ZNF672: variants seen among roughly 807,000 people sequenced by gnomAD.
ZNF672 encodes hypothetical protein FLJ22301.
For synonymous variants in ZNF672, 358 were observed against 305.6 expected (o/e 1.17, Z -1.79); for missense variants, 733 against 701.1 (o/e 1.05, Z -0.51).
chr1:248,847,952 C>T lies in ZNF672; in HGVS notation c.678C>T (p.Pro226=), dbSNP rs755434644. The change falls in exon 4 of 4, where the codon CCC becomes CCT. Residue 226 remains proline, a synonymous_variant. Transcript: ENST00000306562. ...TGCAGACGCACTCGGGGGAGAAACC[C>T]TTCAAGTGCCCGGAGTGCGGCAAGG... ...RHLQTHSGEK[P]FKCPECGKGF... is the part of the protein sequence containing the mutation. 3.2e-6 allele frequency: 5 copies of T among 1,569,918 alleles called. No individual in the cohort carries two copies. The highest frequency in any genetic ancestry group is 4.3e-6 in the Non-Finnish European group (5 of 1,159,110).
chr1:248,842,082 T>A (rs1308842144), intron 1 of ZNF672, among the ~76,000 whole-genome samples: 2 of 152,240 alleles, frequency 1.3e-5, no homozygotes, highest in African/African-American at 4.8e-5. Flanking sequence ...TGTTTCTTTA[T>A]GGGGGAAGGA....
chr1:248,847,955 C>G lies in ZNF672; in HGVS notation c.681C>G (p.Phe227Leu). Residue 227 changes from phenylalanine (F) to leucine (L), a missense_variant, in exon 4 of 4, where the codon TTC becomes TTG. Transcript: ENST00000306562. ...AGACGCACTCGGGGGAGAAACCCTTCAAGTGCCCGGAGTGCGGCAAGGGCT... is the reference window on the plus strand; with the variant it reads ...AGACGCACTCGGGGGAGAAACCCTTGAAGTGCCCGGAGTGCGGCAAGGGCT... Reference protein sequence around the residue: ...HLQTHSGEKPFKCPECGKGFL... With the variant: ...HLQTHSGEKPLKCPECGKGFL... The G allele has an allele frequency of 6.4e-7, 1 of 1,568,886 alleles. No individual in the cohort carries two copies. Among genetic ancestry groups the G allele is most frequent in the Non-Finnish European group, 8.6e-7 (1 of 1,158,490 alleles).
chr1:248,842,418 T>C (rs1664692756), intron 1 of ZNF672, among the ~76,000 whole-genome samples: 1 of 152,098 alleles, frequency 6.6e-6, no homozygotes, highest in South Asian at 2.1e-4. Flanking sequence ...AGAACATACA[T>C]AGTGGGAGTT....
rs761742393 is a variant in ZNF672, at chr1:248,847,912, C to T, written c.638C>T (p.Thr213Met). The T allele has an allele frequency of 1.9e-6, 3 of 1,584,024 alleles. No homozygotes were observed. Among genetic ancestry groups the T allele is most frequent in the Non-Finnish European group, 2.6e-6 (3 of 1,166,752 alleles). Reference protein sequence around the residue: ...VCGKCFGKSSTLTRHLQTHSG... With the variant: ...VCGKCFGKSSMLTRHLQTHSG... ...GGCAAGTGCTTTGGCAAGAGCTCTA[C>T]GCTGACGCGACACCTGCAGACGCAC... Residue 213 changes from threonine (T) to methionine (M), a missense_variant, in exon 4 of 4, where the codon ACG becomes ATG. Coordinates refer to ENST00000306562, the MANE Select transcript of ZNF672 (RefSeq NM_024836.3).
In ZNF672 at chr1:248,848,022, A is replaced by T; in HGVS notation, c.748A>T (p.Thr250Ser). ...GCTGGTGCGCCACCAGCGCACACAC[A>T]CGGGCGAGAAGCCGTACGCATGTGG... ...ATLVRHQRTH[T>S]GEKPYACGDC... The change falls in exon 4 of 4, where the codon ACG becomes TCG. Residue 250 changes from threonine to serine, a missense_variant. Physicochemically the swap from Thr to Ser is moderately conservative, Grantham distance 58. Coordinates refer to ENST00000306562, the MANE Select transcript of ZNF672 (RefSeq NM_024836.3). The T allele has an allele frequency of 6.4e-7, 1 of 1,555,616 alleles. No individual in the cohort carries two copies. Among genetic ancestry groups the T allele is most frequent in the Non-Finnish European group, 8.7e-7 (1 of 1,150,708 alleles).
Position 248,848,089 on chromosome 1 carries a change from G to A in ZNF672, c.815G>A (p.Arg272His), listed in dbSNP as rs1659217903. 2 of 1,548,334 alleles carry A rather than the reference G, an allele frequency of 1.3e-6. No homozygotes were observed. Among genetic ancestry groups the A allele is most frequent in the Non-Finnish European group, 1.7e-6 (2 of 1,148,504 alleles). Reference protein sequence around the residue: ...RCFSESSTLLRHRRSHQGERP... With the variant: ...RCFSESSTLLHHRRSHQGERP... The stretch of plus-strand genomic sequence containing the variant: ...TTCAGCGAGAGTTCCACGCTGCTGC[G>A]CCATCGGCGCAGCCATCAGGGCGAG... Residue 272 changes from arginine to histidine, a missense_variant, in exon 4 of 4, where the codon CGC becomes CAC. Physicochemically the swap from Arg to His is conservative, Grantham distance 29 (BLOSUM62 0). Coordinates refer to ENST00000306562, the MANE Select transcript of ZNF672 (RefSeq NM_024836.3).
At chr1:248,839,265 GA>G in intron 1 of ZNF672, 1 of 152,820 alleles carries the variant, frequency 6.5e-6, no homozygotes, top group Non-Finnish European at 1.5e-5. Context: ...GGGAAGGACT[GA>G]AAACGGCTGC....
intron 1 of ZNF672, among the ~76,000 whole-genome samples, chr1:248,841,294 G>A (rs1299886158): frequency 2.6e-5 from 4 of 152,222 alleles, no homozygotes; most frequent in African/African-American, 4.8e-5. Context: ...GTCCTTGCTA[G>A]GCCCAGGGAA....
rs1314520004 is a variant in ZNF672 at position 248,848,452 on chromosome 1, G to A, written c.1178G>A (p.Arg393Gln). The change falls in exon 4 of 4, where the codon CGG becomes CAG. Residue 393 changes from arginine (R) to glutamine (Q), a missense_variant. Coordinates refer to ENST00000306562, the MANE Select transcript of ZNF672 (RefSeq NM_024836.3). ...ALHRKTHLGE[R>Q]PAECAECGKC... Reference sequence around the variant, plus strand: ...CACCGCAAGACGCACCTGGGCGAACGGCCAGCGGAGTGCGCAGAGTGCGGC... The same window carrying A: ...CACCGCAAGACGCACCTGGGCGAACAGCCAGCGGAGTGCGCAGAGTGCGGC... 5.6e-6 allele frequency: 9 copies of A among 1,607,568 alleles called. No homozygotes were observed. The highest frequency in any genetic ancestry group is 3.3e-5 in the South Asian group (3 of 90,880).
Position 248,849,136 on chromosome 1 carries a change from C to A in ZNF672, c.*503C>A, listed in dbSNP as rs546482227. The A allele has an allele frequency of 2.1e-6, 1 of 469,256 alleles. No individual in the cohort carries two copies. The highest frequency in any genetic ancestry group is 6.9e-5 in the East Asian group (1 of 14,404). The allele number at this position is 469,256 out of a possible 1,614,324, so 29.1% of individuals were successfully genotyped here. ...CTTGACTCTTGGTTCCCTGTTAACTCTGTTTCTGAGAAATGTGGGTATGGA... is the reference window on the plus strand; with the variant it reads ...CTTGACTCTTGGTTCCCTGTTAACTATGTTTCTGAGAAATGTGGGTATGGA... On this transcript the variant is annotated 3_prime_UTR_variant, in exon 4 of 4. Transcript: ENST00000306562.
Position 248,841,099 on chromosome 1 carries a change from C to T in ZNF672, c.-475+2548C>T, listed in dbSNP as rs372431602. Among the ~76,000 whole-genome samples the T allele has an allele frequency of 3.3e-5, 5 of 151,612 alleles. No homozygotes were observed. The East Asian group carries it at 5.8e-4, about 18-fold the overall frequency. On this transcript the variant is annotated intron_variant, in intron 1 of 3. Transcript: ENST00000306562. The stretch of plus-strand genomic sequence containing the variant: ...ACTGTAGTCAGAGTACTTGTATGTG[C>T]AGTGGGTAGTGCTGTGGAGGGTACG...
intron 1 of ZNF672, among the ~76,000 whole-genome samples, chr1:248,841,124 G>A (rs543697663): frequency 6.6e-6 from 1 of 151,944 alleles, no homozygotes; most frequent in Non-Finnish European, 1.5e-5. Flanking sequence ...TGGAGGGTAC[G>A]ATGACTGTAG....
At position 248,847,502 on chromosome 1, in the gene ZNF672, A is replaced by G. The variant is rs1265382340; in HGVS notation, c.228A>G (p.Gly76=). The G allele has an allele frequency of 6.3e-7, 1 of 1,598,162 alleles. No individual in the cohort carries two copies. Residue 76 remains glycine (G), a synonymous_variant, in exon 4 of 4, where the codon GGA becomes GGG. Transcript: ENST00000306562. The part of the protein sequence containing the change: ...GQTLYICSEC[G]QSFRHSGRLD... ...CCCTCTACATCTGCAGTGAGTGCGGACAAAGCTTCCGCCACAGCGGCCGTC... is the reference window on the plus strand; with the variant it reads ...CCCTCTACATCTGCAGTGAGTGCGGGCAAAGCTTCCGCCACAGCGGCCGTC...
Position 248,848,787 on chromosome 1 carries a change from C to A in ZNF672, c.*154C>A. On this transcript the variant is annotated 3_prime_UTR_variant, in exon 4 of 4. Coordinates refer to ENST00000306562, the MANE Select transcript of ZNF672 (RefSeq NM_024836.3). ...TTTCTGTTGGCAGCCCTTCACGTAG[C>A]CTCCTGCCTCGCCTCTACACCTACT... is the stretch of plus-strand genomic sequence containing the variant. 8.8e-7 allele frequency: 1 copy of A among 1,135,050 alleles called. No homozygotes were observed. The highest frequency in any genetic ancestry group is 1.3e-6 in the Non-Finnish European group (1 of 785,908). The allele number at this position is 1,135,050 out of a possible 1,614,324, so 70.3% of individuals were successfully genotyped here.
intron 1 of ZNF672, among the ~76,000 whole-genome samples, chr1:248,841,751 G>C (rs531290638): frequency 3.3e-5 from 5 of 152,140 alleles, no homozygotes; most frequent in African/African-American, 1.2e-4. Flanking sequence ...GCAAAACCCC[G>C]TGTCTGCTAA....
Position 248,848,263 on chromosome 1 carries a change from G to GGCGC in ZNF672, c.990_993dup (p.Thr332AlafsTer109). ...GACCGCTCGGACCTCACCAAGCACC[G>GGCGC]GCGCACGCACACGGGCGAGAAGCCC... On this transcript the variant is annotated frameshift_variant, in exon 4 of 4. Transcript: ENST00000306562. LOFTEE classifies it low-confidence loss of function (END_TRUNC). 6.2e-7 allele frequency: 1 copy of GGCGC among 1,601,750 alleles called. No individual in the cohort carries two copies. Among genetic ancestry groups the GGCGC allele is most frequent in the Non-Finnish European group, 8.5e-7 (1 of 1,178,360 alleles).
chr1:248,848,199 A>G lies in ZNF672; in HGVS notation c.925A>G (p.Lys309Glu), dbSNP rs750690495. Reference sequence around the variant, plus strand: ...GCACCAGCGCATCCACACGGGCGAGAAGCCCTTCGCGTGCCCCGAGTGCGG... The same window carrying G: ...GCACCAGCGCATCCACACGGGCGAGGAGCCCTTCGCGTGCCCCGAGTGCGG... ...VVHQRIHTGE[K>E]PFACPECGRR... Residue 309 changes from lysine to glutamate, a missense_variant, in exon 4 of 4, where the codon AAG becomes GAG. Physicochemically the swap from Lys to Glu is moderately conservative, Grantham distance 56. Coordinates refer to ENST00000306562, the MANE Select transcript of ZNF672 (RefSeq NM_024836.3). 3.7e-6 allele frequency: 6 copies of G among 1,600,746 alleles called. No individual in the cohort carries two copies. Among genetic ancestry groups the G allele is most frequent in the Non-Finnish European group, 5.1e-6 (6 of 1,177,238 alleles).
intron 1 of ZNF672, among the ~76,000 whole-genome samples, chr1:248,840,834 G>T (rs941523249): frequency 6.6e-6 from 1 of 150,488 alleles, no homozygotes; most frequent in African/African-American, 2.5e-5. Context: ...ATGTGCAGTG[G>T]GTAGTGCTGT....
In ZNF672 at chr1:248,848,277, G is replaced by A; in HGVS notation, c.1003G>A (p.Gly335Ser). ...CACCAAGCACCGGCGCACGCACACG[G>A]GCGAGAAGCCCTACCGCTGCGAACT... is the stretch of plus-strand genomic sequence containing the variant. ...DLTKHRRTHT[G>S]EKPYRCELCG... The change falls in exon 4 of 4, where the codon GGC becomes AGC. Residue 335 changes from glycine to serine, a missense_variant. Coordinates refer to ENST00000306562, the MANE Select transcript of ZNF672 (RefSeq NM_024836.3). The A allele has an allele frequency of 2.5e-6, 4 of 1,603,228 alleles. No homozygotes were observed. The highest frequency in any genetic ancestry group is 2.5e-6 in the Non-Finnish European group (3 of 1,179,278).
Sources: allele counts gnomAD v4.1 joint callset (sites outside exome capture counted in the v4.1 genomes callset), GRCh38; gene constraint gnomAD v4.1.1; transcripts MANE v1.5; gene names NCBI Gene and HGNC (gene_info 2026-07-23, HGNC 2026-07-21).